Variants in ARHGEF18 observed in about 807,000 individuals in gnomAD.
ARHGEF18 encodes the protein rho guanine nucleotide exchange factor 18.
A neutral mutation model predicts 155.7 loss-of-function variants in ARHGEF18; 93 were observed. The observed-to-expected ratio is 0.60, with a 90% CI of 0.50 to 0.71. The LOEUF (loss-of-function observed/expected upper bound fraction) is 0.71, where lower values mean the gene tolerates loss of function less well. ARHGEF18 is among the 30% of genes least tolerant of loss of function. The probability of loss-of-function intolerance (pLI) is 0.00; values close to 1 mark genes in which losing one functional copy is unlikely to be tolerated. For missense variants in ARHGEF18, 1,593 were observed against 1,816.1 expected (o/e 0.88, Z 2.23); for synonymous variants, 742 against 753.1 (o/e 0.99, Z 0.24).
intron 15 of ARHGEF18, among the ~76,000 whole-genome samples, chr19:7,450,415 T>A (rs1600486900): frequency 6.6e-6 from 1 of 152,408 alleles, no homozygotes; most frequent in Non-Finnish European, 1.5e-5. Context: ...TTCCAAGATG[T>A]TAATGCGGGA....
rs769147045 is a variant in ARHGEF18, at chr19:7,440,199, G to A, written c.968-145G>A. The A allele has an allele frequency of 1.9e-6, 3 of 1,551,568 alleles. No individual in the cohort carries two copies. The South Asian group carries it at 3.6e-5, about 18-fold the overall frequency. ...CGGCTCTTTCCCCAGGAAATGGAGCGAGAACGTCTTCTTGGATAACGAGCT... is the reference window on the plus strand; with the variant it reads ...CGGCTCTTTCCCCAGGAAATGGAGCAAGAACGTCTTCTTGGATAACGAGCT... On this transcript the variant is annotated intron_variant, in intron 10 of 28. Transcript: ENST00000668164. This position sits in a 1 kb window ranked among gnomAD's most constrained non-coding sequence, Gnocchi z 5.4.
intron 10 of ARHGEF18, among the ~76,000 whole-genome samples, chr19:7,423,718 A>G (rs1375171330): frequency 6.6e-6 from 1 of 151,966 alleles, no homozygotes; most frequent in Non-Finnish European, 1.5e-5. Context: ...AAAAAAAAAA[A>G]AAAAGCACGT....
At chr19:7,378,684 CTTTTTTTTTTT>C (rs548305968) in intron 6 of ARHGEF18, among the ~76,000 whole-genome samples, 5 of 88,134 alleles carry the variant, frequency 5.7e-5, no homozygotes, top group South Asian at 4.2e-4. Flanking sequence ...ACAATTGTGG[CTTTTTTTTTTT>C]TTTTTTTTTT....
At chr19:7,374,791 G>A (rs1970357067) in intron 3 of ARHGEF18, among the ~76,000 whole-genome samples, 2 of 152,108 alleles carry the variant, frequency 1.3e-5, no homozygotes, top group Admixed American at 6.6e-5. Context: ...TCAGACCCAC[G>A]CATATAAGCT....
chr19:7,477,086 A>C (rs1599200609), downstream of ARHGEF18: 4 of 993,392 alleles, frequency 4.0e-6, no homozygotes, highest in East Asian at 1.3e-4. Context: ...CACCCTGCCC[A>C]TGGGTTTCAC....
At chr19:7,385,369 G>C (rs185498221) in intron 10 of ARHGEF18, among the ~76,000 whole-genome samples, 6 of 152,036 alleles carry the variant, frequency 3.9e-5, no homozygotes, top group Admixed American at 3.9e-4. Flanking sequence ...TTTAAACTCT[G>C]ATTTGGGGTC....
At chr19:7,373,465 T>C (rs1271399414) in intron 3 of ARHGEF18, among the ~76,000 whole-genome samples, 2 of 113,352 alleles carry the variant, frequency 1.8e-5, no homozygotes, top group Non-Finnish European at 3.4e-5. Flanking sequence ...TTGTGTTTGT[T>C]TTTTTTTTTT....
chr19:7,473,884 A>G (rs1009036688), downstream of ARHGEF18, among the ~76,000 whole-genome samples: 4 of 151,338 alleles, frequency 2.6e-5, no homozygotes, highest in African/African-American at 9.7e-5. Flanking sequence ...ACAGGAGGCC[A>G]AGGCAGGAGG....
In ARHGEF18 at chr19:7,444,302, G is replaced by T. The variant is rs753575213; in HGVS notation, c.1459G>T (p.Ala487Ser). ...LQEELQFSSK[A>S]IGRLFPCADD... ...GGAGGAGCTGCAGTTCAGCAGCAAG[G>T]CCATTGGCCGCCTCTTCCCATGCGC... The change falls in exon 14 of 29, where the codon GCC becomes TCC. Residue 487 changes from alanine to serine, a missense_variant. Coordinates refer to ENST00000668164, the MANE Select transcript of ARHGEF18 (RefSeq NM_001367823.1). This position sits in a 1 kb window ranked among gnomAD's most constrained non-coding sequence, Gnocchi z 4.7. 1 of 1,613,550 alleles carries T rather than the reference G, an allele frequency of 6.2e-7. No homozygotes were observed. The highest frequency in any genetic ancestry group is 1.3e-5 in the African/African-American group (1 of 74,940).
chr19:7,414,898 G>T (rs1972909124), intron 10 of ARHGEF18, among the ~76,000 whole-genome samples: 1 of 152,150 alleles, frequency 6.6e-6, no homozygotes, highest in Non-Finnish European at 1.5e-5. Flanking sequence ...GGGTGGCTGA[G>T]GCAAGAGGAT....
Position 7,444,793 on chromosome 19 carries a change from C to A in ARHGEF18, c.1611+339C>A, listed in dbSNP as rs1455587366. Among the ~76,000 whole-genome samples the A allele has an allele frequency of 1.3e-5, 2 of 152,164 alleles. No homozygotes were observed. The highest frequency in any genetic ancestry group is 3.9e-4 in the East Asian group (2 of 5,194). The stretch of plus-strand genomic sequence containing the variant: ...CACGTAGCTGGGACTCCAGGGAACA[C>A]CATGCCTGGCTAACTTTTTATTTTT... On this transcript the variant is annotated intron_variant, in intron 14 of 28. Transcript: ENST00000668164. This position sits in a 1 kb window ranked among gnomAD's most constrained non-coding sequence, Gnocchi z 4.7.
At chr19:7,407,043 C>T (rs1224821843) in intron 10 of ARHGEF18, among the ~76,000 whole-genome samples, 8 of 132,208 alleles carry the variant, frequency 6.1e-5, no homozygotes, top group African/African-American at 8.8e-5. Context: ...CCAGCCTGGG[C>T]GACAAGGCAA....
intron 2 of ARHGEF18, among the ~76,000 whole-genome samples, chr19:7,369,938 T>C (rs1038378788): frequency 6.6e-6 from 1 of 151,872 alleles, no homozygotes; most frequent in Non-Finnish European, 1.5e-5. Flanking sequence ...GGCTCACGCT[T>C]GTAACCCCAG....
intron 23 of ARHGEF18, among the ~76,000 whole-genome samples, chr19:7,466,709 C>T (rs1976628783): frequency 7.0e-6 from 1 of 141,974 alleles, no homozygotes; most frequent in South Asian, 2.2e-4. Context: ...GAGGTTGAGG[C>T]AGGAGAATTG....
At chr19:7,453,205 T>TCC (rs11366609) in intron 16 of ARHGEF18, among the ~76,000 whole-genome samples, 4 of 127,946 alleles carry the variant, frequency 3.1e-5, no homozygotes, top group African/African-American at 1.1e-4. Context: ...CACCCTACCC[T>TCC]CCCCCCCCCA....
chr19:7,382,766 A>T (rs1970807367), intron 8 of ARHGEF18, 26 bp from the exon 9 acceptor site: 1 of 1,230,592 alleles, frequency 8.1e-7, no homozygotes, highest in African/African-American at 1.6e-5. Context: ...GGCCCCCTCT[A>T]GTGGACCTTC....
rs770828520 is a variant in ARHGEF18, at chr19:7,463,949, A to G, written c.2767A>G (p.Thr923Ala). The change falls in exon 22 of 29, where the codon ACC becomes GCC. Residue 923 changes from threonine (T) to alanine (A), a missense_variant. Transcript: ENST00000668164. This position sits in a 1 kb window ranked among gnomAD's most constrained non-coding sequence, Gnocchi z 5.2. ...FAGYDCTNSP[T>A]KNGSFKKKVS... Reference sequence around the variant, plus strand: ...GGGCTACGACTGCACAAACAGCCCCACCAAGAGTAAGAGCGGGGCCGTCTC... The same window carrying G: ...GGGCTACGACTGCACAAACAGCCCCGCCAAGAGTAAGAGCGGGGCCGTCTC... 54 of 1,588,206 alleles carry G rather than the reference A, an allele frequency of 3.4e-5. No individual in the cohort carries two copies. The highest frequency in any genetic ancestry group is 4.4e-5 in the Non-Finnish European group (51 of 1,167,732).
At chr19:7,363,960 G>T (rs1645010485) in intron 2 of ARHGEF18, among the ~76,000 whole-genome samples, 1 of 151,074 alleles carries the variant, frequency 6.6e-6, no homozygotes, top group Admixed American at 6.6e-5. Context: ...ATAAATAATG[G>T]GTGGGTGAAT....
At chr19:7,451,312 C>A (rs750988351) in intron 16 of ARHGEF18, 46 bp downstream of exon 16, 8 of 1,552,874 alleles carry the variant, frequency 5.2e-6, no homozygotes, top group Non-Finnish European at 6.2e-6. Flanking sequence ...TGCTGCAGCA[C>A]AGGGCTCTCT....
Sources: allele counts gnomAD v4.1 joint callset (sites outside exome capture counted in the v4.1 genomes callset), GRCh38; gene constraint gnomAD v4.1.1; non-coding constraint Gnocchi (gnomAD v3.1); transcripts MANE v1.5; gene names NCBI Gene and HGNC (gene_info 2026-07-23, HGNC 2026-07-21).